Variants in PKD2 observed in about 807,000 individuals in gnomAD.
The protein encoded by PKD2 is polycystin 2, transient receptor potential cation channel.
PKD2 carries 48 observed loss-of-function variants against 105.9 expected under a neutral mutation model. The observed-to-expected ratio is 0.45, with a 90% CI of 0.36 to 0.58. The LOEUF is 0.58. Among genes scored for constraint, PKD2 ranks in the 20% least tolerant of loss-of-function variants. PKD2 has a pLI of 0.00. For synonymous variants in PKD2, 464 were observed against 481.1 expected (o/e 0.96, Z 0.46); for missense variants, 1,078 against 1,255.3 (o/e 0.86, Z 2.13).
At chr4:88,017,335 C>CT in intron 1 of PKD2, among the ~76,000 whole-genome samples, 1 of 152,176 alleles carries the variant, frequency 6.6e-6, no homozygotes. Flanking sequence ...CATAAGAAGA[C>CT]TTGTTTCTTT....
chr4:88,037,531 A>G (rs751984221), intron 3 of PKD2, among the ~76,000 whole-genome samples: 1 of 152,216 alleles, frequency 6.6e-6, no homozygotes, highest in Non-Finnish European at 1.5e-5. Context: ...GATAGAGACA[A>G]CTGAGTCACA....
chr4:88,015,420 A>T (rs1443329084), intron 1 of PKD2, among the ~76,000 whole-genome samples: 2 of 152,112 alleles, frequency 1.3e-5, no homozygotes, highest in East Asian at 3.8e-4. Flanking sequence ...AGTTGTAGTT[A>T]TTTATTTATT....
intron 2 of PKD2, among the ~76,000 whole-genome samples, chr4:88,035,717 G>A (rs1281752069): frequency 6.6e-6 from 1 of 152,172 alleles, no homozygotes; most frequent in Non-Finnish European, 1.5e-5. Context: ...TAGCCTCAGG[G>A]CACAGAACAG....
At chr4:88,070,629 A>AGAAAG (rs1720996459) in intron 13 of PKD2, among the ~76,000 whole-genome samples, 6 of 87,566 alleles carry the variant, frequency 6.9e-5, no homozygotes, top group Non-Finnish European at 5.1e-5. Flanking sequence ...GAGAGAGAGA[A>AGAAAG]AGAGAGAGAG....
intron 2 of PKD2, among the ~76,000 whole-genome samples, chr4:88,034,598 G>T (rs185983196): frequency 6.6e-6 from 1 of 151,546 alleles, no homozygotes; most frequent in Non-Finnish European, 1.5e-5. Flanking sequence ...AACCTGGGAG[G>T]GGGAGGTTGC....
chr4:88,048,343 A>G (rs1727852011), intron 6 of PKD2, among the ~76,000 whole-genome samples: 1 of 152,194 alleles, frequency 6.6e-6, no homozygotes, highest in Non-Finnish European at 1.5e-5. Flanking sequence ...TTATTAAACT[A>G]TTCCCCACTA....
intron 2 of PKD2, among the ~76,000 whole-genome samples, chr4:88,027,054 A>C (rs986400175): frequency 1.3e-5 from 2 of 152,210 alleles, no homozygotes; most frequent in Non-Finnish European, 2.9e-5. Flanking sequence ...TGCTAGGGCA[A>C]TGCAGGGGGG....
rs550463258 is a variant in PKD2 at position 88,015,701 on chromosome 4, C to T, written c.596-3757C>T. Among the ~76,000 whole-genome samples the T allele has an allele frequency of 3.2e-4, 48 of 152,298 alleles. 1 individual carries two copies. Among genetic ancestry groups the T allele is most frequent in the African/African-American group, 1.0e-3 (43 of 41,576 alleles). ...CCTCCCAGAGTGCTGGGATTACAGG[C>T]GTGAGCCAGTGTGCCCAGCCAATAA... On this transcript the variant is annotated intron_variant, in intron 1 of 14. Transcript: ENST00000237596.
At position 88,077,471 on chromosome 4, in the gene PKD2, G is replaced by A. The variant is rs1228949099; in HGVS notation, c.*1777G>A. 6.6e-6 allele frequency: 1 copy of A among 152,572 alleles called. No individual in the cohort carries two copies. Among genetic ancestry groups the A allele is most frequent in the Non-Finnish European group, 1.5e-5 (1 of 68,022 alleles). 9.5% of individuals were successfully genotyped at this position (152,572 alleles called of 1,614,324 possible). ...TGCAGCTATTATGTGGTATCCATGT[G>A]TATCGACCATGTGCCATATATCAAT... On this transcript the variant is annotated 3_prime_UTR_variant, in exon 15 of 15. Transcript: ENST00000237596.
At chr4:88,063,539 A>AAAAAG (rs557952189) in intron 10 of PKD2, among the ~76,000 whole-genome samples, 7 of 152,030 alleles carry the variant, frequency 4.6e-5, no homozygotes, top group South Asian at 4.1e-4. Flanking sequence ...CTCAAAAAAA[A>AAAAAG]AAAAGAAAAG....
chr4:88,024,048 A>C (rs574415868), intron 2 of PKD2, among the ~76,000 whole-genome samples: 45 of 152,348 alleles, frequency 3.0e-4, no homozygotes, highest in African/African-American at 1.1e-3. Flanking sequence ...CTATGAATTC[A>C]CCATTAAAGC....
chr4:88,065,485 G>A lies in PKD2; in HGVS notation c.2230G>A (p.Asp744Asn). 1.2e-6 allele frequency: 2 copies of A among 1,613,642 alleles called. No individual in the cohort carries two copies. Among genetic ancestry groups the A allele is most frequent in the Non-Finnish European group, 1.7e-6 (2 of 1,179,640 alleles). ...GKLNFDELRQ[D>N]LKGKGHTDAE... ...GTTAAACTTTGACGAACTTCGACAA[G>A]ATCTCAAAGGGTGAGAATCATGCTT... The change falls in exon 11 of 15, where the codon GAT becomes AAT. Residue 744 changes from aspartate to asparagine, a missense_variant. By Grantham distance (23) the Asp-to-Asn change is conservative. Transcript: ENST00000237596.
intron 1 of PKD2, among the ~76,000 whole-genome samples, chr4:88,012,201 G>T (rs1342253104): frequency 1.3e-5 from 2 of 152,128 alleles, no homozygotes; most frequent in East Asian, 3.9e-4. Flanking sequence ...TCATAGTTTT[G>T]TTTTTATCCT....
intron 9 of PKD2, among the ~76,000 whole-genome samples, chr4:88,059,436 G>A (rs1286279130): frequency 6.6e-6 from 1 of 152,126 alleles, no homozygotes; most frequent in Admixed American, 6.6e-5. Context: ...TGAGAGTCCT[G>A]CACCTGACCC....
chr4:88,073,241 C>T (rs1560631876), intron 13 of PKD2, among the ~76,000 whole-genome samples: 1 of 151,226 alleles, frequency 6.6e-6, no homozygotes, highest in Non-Finnish European at 1.5e-5. Flanking sequence ...AGTGGGAAAG[C>T]CGGGCACAGT....
intron 4 of PKD2, among the ~76,000 whole-genome samples, chr4:88,041,126 T>C (rs942305794): frequency 1.4e-4 from 21 of 152,332 alleles, no homozygotes; most frequent in Admixed American, 7.2e-4. Context: ...CGTTTTCTTA[T>C]GAGATCTGCT....
At chr4:88,072,491 A>G (rs1440506354) in intron 13 of PKD2, among the ~76,000 whole-genome samples, 1 of 152,180 alleles carries the variant, frequency 6.6e-6, no homozygotes, top group Non-Finnish European at 1.5e-5. Context: ...GAAGAGTTCT[A>G]TATTCCTATG....
intron 14 of PKD2, 96 bp downstream of exon 14, chr4:88,075,055 G>A (rs1339813365): frequency 5.8e-6 from 8 of 1,372,724 alleles, no homozygotes; most frequent in African/African-American, 4.3e-5. Flanking sequence ...TTGAAGAAGA[G>A]TAAAAAAAAT....
chr4:88,040,594 G>A (rs1727523638), intron 4 of PKD2, among the ~76,000 whole-genome samples: 1 of 152,000 alleles, frequency 6.6e-6, no homozygotes, highest in South Asian at 2.1e-4. Context: ...ATCAATTCAC[G>A]TCTTAAAGCT....
Sources: allele counts gnomAD v4.1 joint callset (sites outside exome capture counted in the v4.1 genomes callset), GRCh38; gene constraint gnomAD v4.1.1; transcripts MANE v1.5; gene names NCBI Gene and HGNC (gene_info 2026-07-23, HGNC 2026-07-21).